COQ10B: variants seen among roughly 807,000 people sequenced by gnomAD.
COQ10B encodes coenzyme Q-binding protein COQ10 homolog B, mitochondrial.
Under a neutral mutation model 27.6 loss-of-function variants are expected in COQ10B, and 12 were observed. The ratio of observed to expected loss-of-function variants is 0.43; its 90% CI spans 0.28 to 0.70. The LOEUF (loss-of-function observed/expected upper bound fraction) is 0.70, where lower values mean the gene tolerates loss of function less well. COQ10B is among the 30% of genes least tolerant of loss of function. The pLI is 0.17. For missense variants in COQ10B, 278 were observed against 288.7 expected (o/e 0.96, Z 0.27); for synonymous variants, 115 against 103.0 (o/e 1.12, Z -0.71).
intron 3 of COQ10B, among the ~76,000 whole-genome samples, chr2:197,465,678 G>A (rs1274065389): frequency 2.0e-5 from 3 of 152,036 alleles, no homozygotes; most frequent in Non-Finnish European, 4.4e-5. Flanking sequence ...AGGCTGAAGC[G>A]GAAGGATCGC....
Position 197,459,978 on chromosome 2 carries a change from C to T in COQ10B, c.151C>T (p.His51Tyr). 1 of 1,611,786 alleles carries T rather than the reference C, an allele frequency of 6.2e-7. No homozygotes were observed. Residue 51 changes from histidine (H) to tyrosine (Y), a missense_variant, in exon 2 of 5, where the codon CAT becomes TAT. Transcript: ENST00000263960. ...ACTGATGAGCAGAACTCTTCCACTA[C>T]ATACCTCAATTTTGCCTAAGGAGAT... ...GILMSRTLPLHTSILPKEICA... is the reference protein window; with the variant it reads ...GILMSRTLPLYTSILPKEICA...
At chr2:197,461,236 C>T (rs565608138) in intron 2 of COQ10B, among the ~76,000 whole-genome samples, 3 of 152,110 alleles carry the variant, frequency 2.0e-5, no homozygotes, top group East Asian at 1.9e-4. Context: ...ATGGGTGTGC[C>T]GTCTACTGTA....
intron 4 of COQ10B, among the ~76,000 whole-genome samples, chr2:197,473,341 C>T (rs2085898807): frequency 6.8e-6 from 1 of 147,308 alleles, no homozygotes; most frequent in Non-Finnish European, 1.5e-5. Flanking sequence ...ATTGCATTAG[C>T]CCAGGAGTTT....
chr2:197,454,574 GACAA>G (rs1431073169), intron 1 of COQ10B, among the ~76,000 whole-genome samples: 2 of 151,908 alleles, frequency 1.3e-5, no homozygotes, highest in African/African-American at 4.8e-5. Context: ...TGTTGGATGA[GACAA>G]ACAAAATCAT....
At chr2:197,460,126 T>G in intron 2 of COQ10B, 45 bp downstream of exon 2, 1 of 1,419,842 alleles carries the variant, frequency 7.0e-7, no homozygotes, top group Non-Finnish European at 9.7e-7. Context: ...TGTTCACAAT[T>G]TTCCGTGGGG....
Position 197,459,983 on chromosome 2 carries a change from C to A in COQ10B, c.156C>A (p.Thr52=). 1 of 1,611,494 alleles carries A rather than the reference C, an allele frequency of 6.2e-7. No homozygotes were observed. The highest frequency in any genetic ancestry group is 1.1e-5 in the South Asian group (1 of 90,890). ...ILMSRTLPLH[T]SILPKEICAR... is the part of the protein sequence containing the mutation. ...TGAGCAGAACTCTTCCACTACATAC[C>A]TCAATTTTGCCTAAGGAGATATGTG... is the stretch of plus-strand genomic sequence containing the variant. The change falls in exon 2 of 5, where the codon ACC becomes ACA. Residue 52 remains threonine, a synonymous_variant. Coordinates refer to ENST00000263960, the MANE Select transcript of COQ10B (RefSeq NM_025147.5).
chr2:197,468,632 T>G (rs982819549), intron 3 of COQ10B, among the ~76,000 whole-genome samples: 1 of 152,112 alleles, frequency 6.6e-6, no homozygotes, highest in Non-Finnish European at 1.5e-5. Flanking sequence ...TTGATGCTCT[T>G]AGAAATTACC....
Position 197,453,834 on chromosome 2 carries a change from C to G in COQ10B, c.104+170C>G. The G allele has an allele frequency of 2.8e-6, 3 of 1,062,516 alleles. No individual in the cohort carries two copies. In the South Asian group the frequency reaches 4.7e-5, roughly 17 times the overall value. 65.8% of individuals were successfully genotyped at this position (1,062,516 alleles called of 1,614,324 possible). On this transcript the variant is annotated intron_variant, in intron 1 of 4. Transcript: ENST00000263960. ...GCATCTGAGGGACTCAAGAGCGGCG[C>G]GCATCACCTTGGGCCCAAGGCTGTG... is the stretch of plus-strand genomic sequence containing the variant.
chr2:197,459,852 ATTACT>A lies in COQ10B; in HGVS notation c.105-76_105-72del, dbSNP rs919931622. 170 of 1,071,774 alleles carry A rather than the reference ATTACT, an allele frequency of 1.6e-4. No individual in the cohort carries two copies. The African/African-American group carries it at 2.2e-3, about 14-fold the overall frequency. The allele number at this position is 1,071,774 out of a possible 1,614,324, so 66.4% of individuals were successfully genotyped here. Reference sequence around the variant, plus strand: ...GTTGCAAAGCCTTACAAAGTGGATAATTACTTTATAGTTTCTATAATTTGTGCTTC... The same window carrying A: ...GTTGCAAAGCCTTACAAAGTGGATAATTATAGTTTCTATAATTTGTGCTTC... On this transcript the variant is annotated intron_variant, in intron 1 of 4. Transcript: ENST00000263960.
Position 197,462,731 on chromosome 2 carries a change from G to T in COQ10B, c.447G>T (p.Lys149Asn). Residue 149 changes from lysine (K) to asparagine (N), a missense_variant and splice_region_variant, in exon 3 of 5, where the codon AAG (lysine) becomes AAT (asparagine). Coordinates refer to ENST00000263960, the MANE Select transcript of COQ10B (RefSeq NM_025147.5). ...VVTLVKPHLVKASCTDGRLFN... is the reference protein window; with the variant it reads ...VVTLVKPHLVNASCTDGRLFN... ...CCTTGGTGAAACCTCATTTAGTAAA[G>T]GTAACAGTTTTGTTTTTTGTTGTTT... 3.4e-6 allele frequency: 5 copies of T among 1,484,502 alleles called. No individual in the cohort carries two copies. Among genetic ancestry groups the T allele is most frequent in the African/African-American group, 1.5e-5 (1 of 68,626 alleles). The allele number at this position is 1,484,502 out of a possible 1,614,324, so 92.0% of individuals were successfully genotyped here. A position where few individuals can be genotyped will look rare whatever the true frequency, so the allele number is the denominator to read the frequency against.
chr2:197,460,537 T>C (rs1272350013), intron 2 of COQ10B, among the ~76,000 whole-genome samples: 1 of 152,236 alleles, frequency 6.6e-6, no homozygotes, highest in East Asian at 1.9e-4. Context: ...TATAATTATA[T>C]GGTAACTCTT....
intron 4 of COQ10B, among the ~76,000 whole-genome samples, chr2:197,471,065 C>CA (rs1281323289): frequency 6.6e-6 from 1 of 152,034 alleles, no homozygotes; most frequent in African/African-American, 2.4e-5. Context: ...GACCCTGTCT[C>CA]AAAAAATTTA....
At chr2:197,455,972 A>G (rs150660934) in intron 1 of COQ10B, among the ~76,000 whole-genome samples, 1 of 152,192 alleles carries the variant, frequency 6.6e-6, no homozygotes, top group Non-Finnish European at 1.5e-5. Context: ...CACAACAACA[A>G]CAATAAAACA....
chr2:197,453,650 C>G lies in COQ10B; in HGVS notation c.90C>G (p.Pro30=), dbSNP rs748686379. ...CGACAGCGGCCGGGGCGCAGGCGCC[C>G]GTGCGGAATGGCAGGTAATCAACAG... The part of the protein sequence containing the change: ...KSATAAGAQA[P]VRNGRYLASC... The change falls in exon 1 of 5, where the codon CCC becomes CCG. Residue 30 remains proline, a synonymous_variant. Coordinates refer to ENST00000263960, the MANE Select transcript of COQ10B (RefSeq NM_025147.5). 1.5e-5 allele frequency: 24 copies of G among 1,613,600 alleles called. No individual in the cohort carries two copies. The highest frequency in any genetic ancestry group is 1.9e-5 in the Non-Finnish European group (23 of 1,179,834).
At chr2:197,461,567 G>C (rs1165404741) in intron 2 of COQ10B, among the ~76,000 whole-genome samples, 3 of 97,858 alleles carry the variant, frequency 3.1e-5, no homozygotes, top group African/African-American at 2.0e-4. Context: ...GTCTGTGTGT[G>C]TGTGTGTGTG....
chr2:197,468,414 G>T (rs1009958206), intron 3 of COQ10B, among the ~76,000 whole-genome samples: 10 of 143,310 alleles, frequency 7.0e-5, no homozygotes, highest in African/African-American at 2.1e-4. Flanking sequence ...CTGCACTCCA[G>T]CCTGGGTGAC....
intron 2 of COQ10B, among the ~76,000 whole-genome samples, chr2:197,460,670 C>T (rs2085748054): frequency 6.6e-6 from 1 of 152,124 alleles, no homozygotes; most frequent in African/African-American, 2.4e-5. Flanking sequence ...ACATAGCTTC[C>T]TCATGTATAG....
At chr2:197,453,974 C>T (rs530057478) in intron 1 of COQ10B, 4 of 1,550,802 alleles carry the variant, frequency 2.6e-6, no homozygotes, top group South Asian at 2.4e-5. Context: ...TGGCTTGTTG[C>T]TACTGCTGTT....
intron 3 of COQ10B, among the ~76,000 whole-genome samples, chr2:197,465,593 C>T (rs1003153219): frequency 3.9e-5 from 6 of 152,094 alleles, no homozygotes; most frequent in African/African-American, 1.4e-4. Context: ...GGCCCAGCCT[C>T]TCTCCCCTGC....
Sources: gnomAD v4.1 joint callset for allele counts (sites outside exome capture counted in the v4.1 genomes callset) on GRCh38, gnomAD v4.1.1 for gene constraint, MANE v1.5 for transcripts, NCBI Gene and HGNC (gene_info 2026-07-23, HGNC 2026-07-21) for gene names.